Variants in RARB observed in about 807,000 individuals in gnomAD.
RARB encodes retinoic acid receptor beta, also known as HBV-activated protein.
RARB carries 17 observed loss-of-function variants against 51.9 expected under a neutral mutation model. The ratio of observed to expected loss-of-function variants is 0.33; its 90% confidence interval spans 0.22 to 0.49. RARB has a LOEUF of 0.49. RARB is among the 20% of genes least tolerant of loss of function. The pLI is 0.99. For synonymous variants in RARB, 215 were observed against 195.4 expected (o/e 1.10, Z -0.84); for missense variants, 369 against 550.8 (o/e 0.67, Z 3.30).
intron 2 of RARB, among the ~76,000 whole-genome samples, chr3:24,859,300 G>A (rs1170177884): frequency 6.6e-6 from 1 of 152,274 alleles, no homozygotes; most frequent in East Asian, 1.9e-4. Flanking sequence ...TGAGGTTGGG[G>A]AGAGAGTTGT....
intron 3 of RARB, among the ~76,000 whole-genome samples, chr3:25,522,669 G>C (rs944131352): frequency 2.0e-5 from 3 of 152,092 alleles, no homozygotes; most frequent in Non-Finnish European, 4.4e-5. Flanking sequence ...CACTGGAAAG[G>C]CTTGGCCCAG....
intron 3 of RARB, among the ~76,000 whole-genome samples, chr3:25,116,354 T>A (rs990892639): frequency 6.6e-6 from 1 of 152,154 alleles, no homozygotes; most frequent in Non-Finnish European, 1.5e-5. Flanking sequence ...CCCTTCCCTT[T>A]TTTTTTCCCA....
At chr3:25,217,898 A>G (rs1238945310) in intron 5 of RARB, among the ~76,000 whole-genome samples, 1 of 152,176 alleles carries the variant, frequency 6.6e-6, no homozygotes, top group Non-Finnish European at 1.5e-5. Context: ...TGAGAAATGG[A>G]AGCGCTTTAA....
At chr3:25,358,453 C>T (rs538703291) in intron 5 of RARB, among the ~76,000 whole-genome samples, 3 of 152,262 alleles carry the variant, frequency 2.0e-5, no homozygotes, top group Admixed American at 6.5e-5. Flanking sequence ...TCCTCTCTTC[C>T]TATTTCAAAA....
intron 5 of RARB, among the ~76,000 whole-genome samples, chr3:25,203,509 G>C (rs137922037): frequency 6.6e-6 from 1 of 152,184 alleles, no homozygotes; most frequent in Non-Finnish European, 1.5e-5. Context: ...ATTAGTTGAT[G>C]CAGTTTCTTC....
chr3:25,351,311 CT>C (rs1705564068), intron 5 of RARB, among the ~76,000 whole-genome samples: 4 of 151,622 alleles, frequency 2.6e-5, no homozygotes, highest in African/African-American at 9.7e-5. Context: ...TATATTTTTT[CT>C]TTTTTTCTAT....
At position 24,969,456 on chromosome 3, in the gene RARB, G is replaced by A. The variant is rs1575097175; in HGVS notation, c.-379-90669G>A. ...CAGAAGTGAGATTTTGATTATACAA[G>A]AGCCACAAATCTCTCTAGGCCAGCC... On this transcript the variant is annotated intron_variant, in intron 2 of 11. Coordinates refer to the RARB transcript ENST00000383772. Among the ~76,000 whole-genome samples the A allele has an allele frequency of 2.0e-5, 3 of 152,040 alleles. No homozygotes were observed. In the East Asian group the frequency reaches 5.8e-4, roughly 29 times the overall value.
intron 1 of RARB, among the ~76,000 whole-genome samples, chr3:25,457,432 C>T (rs1403474107): frequency 6.6e-6 from 1 of 152,208 alleles, no homozygotes; most frequent in Non-Finnish European, 1.5e-5. Context: ...GAAATCACCA[C>T]CACCTAAATA....
At chr3:24,924,292 C>T (rs1467597855) in intron 2 of RARB, among the ~76,000 whole-genome samples, 1 of 152,116 alleles carries the variant, frequency 6.6e-6, no homozygotes, top group African/African-American at 2.4e-5. Context: ...TATTCTTTAG[C>T]TCAGCTGAAG....
chr3:25,589,077 C>A (rs921429405), intron 5 of RARB, among the ~76,000 whole-genome samples: 3 of 152,132 alleles, frequency 2.0e-5, no homozygotes, highest in Non-Finnish European at 2.9e-5. Context: ...AGTTTTAAAA[C>A]AATGTTATTT....
chr3:25,152,887 G>C (rs894349863), intron 4 of RARB, among the ~76,000 whole-genome samples: 7 of 152,126 alleles, frequency 4.6e-5, no homozygotes, highest in Non-Finnish European at 1.0e-4. Flanking sequence ...GCCAGATGAT[G>C]CTTCCAAGAA....
At chr3:25,580,281 G>A (rs920819629) in intron 4 of RARB, among the ~76,000 whole-genome samples, 4 of 152,240 alleles carry the variant, frequency 2.6e-5, no homozygotes, top group Admixed American at 2.6e-4. Context: ...AGCTGAGGCA[G>A]GAGAATCGTT....
intron 3 of RARB, among the ~76,000 whole-genome samples, chr3:25,131,008 TTATC>T (rs1699943693): frequency 7.4e-6 from 1 of 135,862 alleles, no homozygotes; most frequent in Non-Finnish European, 1.6e-5. Flanking sequence ...TATTTATTAT[TTATC>T]AATGAAATTA....
intron 2 of RARB, among the ~76,000 whole-genome samples, chr3:24,919,035 C>A (rs1461658597): frequency 6.6e-6 from 1 of 152,136 alleles, no homozygotes; most frequent in Non-Finnish European, 1.5e-5. Flanking sequence ...CTTAGCCTCT[C>A]AGTGATTTAT....
intron 4 of RARB, among the ~76,000 whole-genome samples, chr3:25,166,697 T>C (rs1700566895): frequency 6.6e-6 from 1 of 152,150 alleles, no homozygotes; most frequent in South Asian, 2.1e-4. Flanking sequence ...ATCTTGTCTG[T>C]TTTGTTGCTT....
chr3:25,570,047 G>T (rs535282454), intron 4 of RARB, 129 bp downstream of exon 4: 51 of 1,327,744 alleles, frequency 3.8e-5, no homozygotes, highest in Non-Finnish European at 5.1e-5. Context: ...GCAGGGGCTT[G>T]CATGCTAGCC....
chr3:24,918,239 A>G (rs1188693139), intron 2 of RARB, among the ~76,000 whole-genome samples: 1 of 152,226 alleles, frequency 6.6e-6, no homozygotes, highest in African/African-American at 2.4e-5. Context: ...AATTACTAAT[A>G]CATGCTGGTT....
rs573751346 is a variant in RARB, at chr3:24,939,037, C to T, written c.-380+80285C>T. Among the ~76,000 whole-genome samples the T allele has an allele frequency of 4.0e-5, 6 of 151,664 alleles. No homozygotes were observed. The East Asian group carries it at 9.7e-4, about 25-fold the overall frequency. On this transcript the variant is annotated intron_variant, in intron 2 of 11. Coordinates refer to the RARB transcript ENST00000383772. The stretch of plus-strand genomic sequence containing the variant: ...TCACTCTGTTCCCCAAGCTAGAGTG[C>T]ATTGACGTGGTCTCAGCTCACTGCA...
chr3:25,140,771 T>C (rs114944577), intron 4 of RARB, among the ~76,000 whole-genome samples: 1,614 of 152,214 alleles, frequency 0.011, 25 homozygotes, highest in African/African-American at 0.036. Context: ...AACTTCATTA[T>C]TATCTTTTTT....
Sources: gnomAD v4.1 joint callset for allele counts (sites outside exome capture counted in the v4.1 genomes callset) on GRCh38, gnomAD v4.1.1 for gene constraint, MANE v1.5 for transcripts, NCBI Gene and HGNC (gene_info 2026-07-23, HGNC 2026-07-21) for gene names.